YIPF7: variants seen among roughly 807,000 people sequenced by gnomAD.
YIPF7 encodes protein YIPF7.
Under a neutral mutation model 27.2 loss-of-function variants are expected in YIPF7, and 35 were observed. The observed-to-expected ratio is 1.29, with a 90% CI of 0.98 to 1.70. The LOEUF is 1.70. Among genes scored for constraint, YIPF7 ranks in the 40% most tolerant of loss-of-function variants. YIPF7 has a pLI of 0.00. For missense variants in YIPF7, 358 were observed against 303.7 expected (o/e 1.18, Z -1.33); for synonymous variants, 137 against 110.4 (o/e 1.24, Z -1.51).
intron 2 of YIPF7, among the ~76,000 whole-genome samples, chr4:44,641,011 C>T (rs917685107): frequency 2.0e-5 from 3 of 152,022 alleles, no homozygotes; most frequent in Non-Finnish European, 4.4e-5. Context: ...CTCACAGTTT[C>T]CTGGTTGCTT....
chr4:44,644,480 A>C lies in YIPF7; in HGVS notation c.116+5505T>G, dbSNP rs574155428. Reference sequence around the variant, plus strand: ...ATTTGCTTTAAGATTTAATGACTGCACTGCTGGGTTTTAAACTTGCATGGG... The same window carrying C: ...ATTTGCTTTAAGATTTAATGACTGCCCTGCTGGGTTTTAAACTTGCATGGG... On this transcript the variant is annotated intron_variant, in intron 2 of 5. Transcript: ENST00000415895. 3.9e-5 allele frequency among the ~76,000 whole-genome samples: 6 copies of C among 152,326 alleles called. No homozygotes were observed. The East Asian group carries it at 7.7e-4, about 20-fold the overall frequency.
chr4:44,639,694 T>C (rs1713261891), intron 2 of YIPF7, among the ~76,000 whole-genome samples: 1 of 152,180 alleles, frequency 6.6e-6, no homozygotes, highest in Non-Finnish European at 1.5e-5. Context: ...CTCTCTTGCC[T>C]GATTTCTCTA....
chr4:44,642,614 G>A (rs1320552708), intron 2 of YIPF7, among the ~76,000 whole-genome samples: 1 of 152,184 alleles, frequency 6.6e-6, no homozygotes. Flanking sequence ...CAATGCTGGA[G>A]GTGGGGCCTA....
At chr4:44,635,275 C>G (rs963544118) in intron 3 of YIPF7, among the ~76,000 whole-genome samples, 7 of 151,962 alleles carry the variant, frequency 4.6e-5, no homozygotes, top group African/African-American at 1.7e-4. Context: ...CACATACAGA[C>G]TGGCTACATA....
At chr4:44,624,542 G>A in intron 5 of YIPF7, 59 bp downstream of exon 5, 2 of 1,446,748 alleles carry the variant, frequency 1.4e-6, no homozygotes, top group Non-Finnish European at 1.8e-6. Context: ...TTTCATGGCT[G>A]TGGCAAACCT....
At chr4:44,631,741 T>C (rs1712904501) in intron 3 of YIPF7, among the ~76,000 whole-genome samples, 1 of 152,088 alleles carries the variant, frequency 6.6e-6, no homozygotes. Flanking sequence ...TAAAAGGAGG[T>C]TAGAATGTCT....
At chr4:44,631,882 G>A (rs1416638610) in intron 3 of YIPF7, among the ~76,000 whole-genome samples, 1 of 152,052 alleles carries the variant, frequency 6.6e-6, no homozygotes, top group Admixed American at 6.5e-5. Context: ...TGGCATGTAT[G>A]CTAAAAATAT....
At chr4:44,644,230 A>G (rs1713443035) in intron 2 of YIPF7, among the ~76,000 whole-genome samples, 1 of 152,210 alleles carries the variant, frequency 6.6e-6, no homozygotes, top group Admixed American at 6.5e-5. Flanking sequence ...ATTATTTTGA[A>G]GCTTTAACAC....
chr4:44,645,867 A>G (rs538825592), intron 2 of YIPF7, among the ~76,000 whole-genome samples: 22 of 152,240 alleles, frequency 1.4e-4, no homozygotes, highest in Non-Finnish European at 2.9e-4. Flanking sequence ...GAAAAATAGC[A>G]TTTTATTTTT....
At chr4:44,649,692 C>T (rs1244543898) in intron 2 of YIPF7, among the ~76,000 whole-genome samples, 2 of 151,914 alleles carry the variant, frequency 1.3e-5, no homozygotes, top group Non-Finnish European at 2.9e-5. Flanking sequence ...GGCACAGAAT[C>T]GCTTGAACCC....
intron 2 of YIPF7, among the ~76,000 whole-genome samples, chr4:44,638,943 G>A (rs1713233710): frequency 6.6e-6 from 1 of 152,190 alleles, no homozygotes; most frequent in African/African-American, 2.4e-5. Context: ...TTATTGAAAA[G>A]AGTGTCCTTT....
At chr4:44,644,126 C>T (rs1602477) in intron 2 of YIPF7, among the ~76,000 whole-genome samples, 78,213 of 152,006 alleles carry the variant, frequency 0.51, 21,419 homozygotes, top group Non-Finnish European at 0.62. Flanking sequence ...ACATGGTGTG[C>T]CCTGCAAAGC....
At chr4:44,651,091 T>C (rs1236481606) in intron 1 of YIPF7, among the ~76,000 whole-genome samples, 1 of 152,178 alleles carries the variant, frequency 6.6e-6, no homozygotes. Flanking sequence ...CTTATAAAAA[T>C]ATCAAATGAA....
At position 44,622,374 on chromosome 4, in the gene YIPF7, G is replaced by A. The variant is rs778278053; in HGVS notation, c.*40C>T. ...GTTAATATATTTCCAAAATAATCTGGACAGCAAACAGAGTCTTGAAATGCC... is the reference window on the plus strand; with the variant it reads ...GTTAATATATTTCCAAAATAATCTGAACAGCAAACAGAGTCTTGAAATGCC... On this transcript the variant is annotated 3_prime_UTR_variant, in exon 6 of 6. Transcript: ENST00000415895. 4 of 1,581,532 alleles carry A rather than the reference G, an allele frequency of 2.5e-6. No individual in the cohort carries two copies. The highest frequency in any genetic ancestry group is 3.4e-6 in the Non-Finnish European group (4 of 1,165,162).
intron 2 of YIPF7, among the ~76,000 whole-genome samples, chr4:44,642,446 AC>A (rs34018268): frequency 0.22 from 33,301 of 152,112 alleles, 3,830 homozygotes; most frequent in Middle Eastern, 0.36. Context: ...ATCTTTGTAT[AC>A]CATCACTGTA....
In YIPF7 at chr4:44,622,504, A is replaced by G. The variant is rs367859833; in HGVS notation, c.681T>C (p.Ile227=). The change falls in exon 6 of 6, where the codon ATT becomes ATC. Residue 227 remains isoleucine, a synonymous_variant. Transcript: ENST00000415895. ...GCTGTCCTTCCATGTGCAAGGCTGC[A>G]ATGAAGATCTTGGAAGCTGAGAGAC... The part of the protein sequence containing the change: ...WCSLSASKIF[I]AALHMEGQQL... The G allele has an allele frequency of 5.4e-5, 87 of 1,613,808 alleles. No homozygotes were observed. The highest frequency in any genetic ancestry group is 7.2e-5 in the Non-Finnish European group (85 of 1,179,858).
intron 3 of YIPF7, among the ~76,000 whole-genome samples, chr4:44,633,776 A>C (rs1253189958): frequency 6.6e-6 from 1 of 152,186 alleles, no homozygotes; most frequent in African/African-American, 2.4e-5. Context: ...TTACTATATA[A>C]AATCCCTAAA....
Position 44,635,805 on chromosome 4 carries a change from T to C in YIPF7, c.280+117A>G, listed in dbSNP as rs142025556. 7.2e-3 allele frequency: 8,654 copies of C among 1,207,748 alleles called. 78 individuals are homozygous for C. The highest frequency in any genetic ancestry group is 7.2e-3 in the Non-Finnish European group (6,455 of 892,170). 74.8% of individuals were successfully genotyped at this position (1,207,748 alleles called of 1,614,324 possible). A position where few individuals can be genotyped will look rare whatever the true frequency, so the allele number is the denominator to read the frequency against. Reference sequence around the variant, plus strand: ...TTTGGTTCAGCAAACTCTTGTTATATGTGAAACAATCAAACATAAGACACT... The same window carrying C: ...TTTGGTTCAGCAAACTCTTGTTATACGTGAAACAATCAAACATAAGACACT... On this transcript the variant is annotated intron_variant, in intron 3 of 5. Coordinates refer to ENST00000415895, the MANE Select transcript of YIPF7 (RefSeq NM_182592.3).
chr4:44,628,823 T>A (rs572628289), intron 4 of YIPF7, among the ~76,000 whole-genome samples: 17 of 152,286 alleles, frequency 1.1e-4, no homozygotes, highest in South Asian at 2.1e-4. Flanking sequence ...TATAGTGAAG[T>A]CAGGGAACAA....
Sources: allele counts gnomAD v4.1 joint callset (sites outside exome capture counted in the v4.1 genomes callset), GRCh38; gene constraint gnomAD v4.1.1; transcripts MANE v1.5; gene names NCBI Gene and HGNC (gene_info 2026-07-23, HGNC 2026-07-21).